Variants in LRP6 observed in about 807,000 individuals in gnomAD.
LRP6 encodes low-density lipoprotein receptor-related protein 6.
LRP6 carries 43 observed loss-of-function variants against 184.1 expected under a neutral mutation model. The observed-to-expected ratio is 0.23, with a 90% confidence interval of 0.18 to 0.30. The LOEUF is 0.30. Among genes scored for constraint, LRP6 ranks in the 10% least tolerant of loss-of-function variants. LRP6 has a pLI of 1.00. For synonymous variants in LRP6, 719 were observed against 684.9 expected, an observed-to-expected ratio of 1.05 and a Z score of -0.78; for missense variants, 1,571 against 2,005.3, an observed-to-expected ratio of 0.78 and a Z score of 4.14.
intron 3 of LRP6, among the ~76,000 whole-genome samples, chr12:12,193,606 T>C (rs928392841): frequency 9.2e-5 from 14 of 151,966 alleles, no homozygotes; most frequent in Non-Finnish European, 1.9e-4. Context: ...CATAAACAAC[T>C]TTATGCCAAC....
intron 3 of LRP6, among the ~76,000 whole-genome samples, chr12:12,198,240 T>C (rs1863819032): frequency 6.6e-6 from 1 of 152,150 alleles, no homozygotes; most frequent in African/African-American, 2.4e-5. Context: ...TAAGAAACTT[T>C]TTCTATAGTT....
chr12:12,225,923 G>T (rs1317186371), intron 2 of LRP6, among the ~76,000 whole-genome samples: 1 of 151,264 alleles, frequency 6.6e-6, no homozygotes, highest in African/African-American at 2.4e-5. Context: ...TGCTGCCTGT[G>T]CAAGGAGAGT....
intron 20 of LRP6, among the ~76,000 whole-genome samples, 154 bp downstream of exon 20, chr12:12,126,537 G>A (rs1231978746): frequency 6.6e-6 from 1 of 152,206 alleles, no homozygotes. Context: ...AAGAGAAGGT[G>A]CTAATAGTAA....
Position 12,186,658 on chromosome 12 carries a change from C to CTTT in LRP6, c.844+262_844+264dup, listed in dbSNP as rs34355990. ...GTCTCCCAAAGTGCTGGGATTTTAA[C>CTTT]TTTTTTTTTTTTTTTTTTGAGACAC... On this transcript the variant is annotated intron_variant, in intron 4 of 22. Coordinates refer to ENST00000261349, the MANE Select transcript of LRP6 (RefSeq NM_002336.3). 2,487 of 288,586 alleles carry CTTT rather than the reference C, an allele frequency of 8.6e-3. 9 individuals carry two copies. Among genetic ancestry groups the CTTT allele is most frequent in the South Asian group, 0.017 (485 of 28,044 alleles). The allele number at this position is 288,586 out of a possible 1,614,324, so 17.9% of individuals were successfully genotyped here.
At chr12:12,185,678 G>T (rs998180105) in intron 4 of LRP6, among the ~76,000 whole-genome samples, 1 of 152,098 alleles carries the variant, frequency 6.6e-6, no homozygotes, top group Non-Finnish European at 1.5e-5. Context: ...TGTAAAGGCT[G>T]ACCAAACACA....
chr12:12,223,913 T>A (rs1565673855), intron 2 of LRP6, among the ~76,000 whole-genome samples: 1 of 152,196 alleles, frequency 6.6e-6, no homozygotes, highest in Non-Finnish European at 1.5e-5. Flanking sequence ...TTAGTATACA[T>A]TACTAGAGGT....
chr12:12,130,782 C>A lies in LRP6; in HGVS notation c.4081+1G>T, dbSNP rs772263272. ...AATTTATAGATCTCAGTCCTACTTACAACAATCCAGTTCATCTGACTTGTC... is the reference window on the plus strand; with the variant it reads ...AATTTATAGATCTCAGTCCTACTTAAAACAATCCAGTTCATCTGACTTGTC... On this transcript the variant is annotated splice_donor_variant, in intron 19 of 22. Transcript: ENST00000261349. LOFTEE classifies it high-confidence loss of function. The A allele has an allele frequency of 1.9e-6, 3 of 1,594,822 alleles. No individual in the cohort carries two copies. Among genetic ancestry groups the A allele is most frequent in the East Asian group, 2.2e-5 (1 of 44,766 alleles).
Position 12,125,442 on chromosome 12 carries a change from AAGG to A in LRP6, c.4313-13_4313-11del. On this transcript the variant is annotated splice_polypyrimidine_tract_variant and intron_variant, in intron 20 of 22. Transcript: ENST00000261349. ...TTACCTCGAGACATTCCTAAAATAAAAGGAGGTTAAAAACTGAAGATGAGTATG... is the reference window on the plus strand; with the variant it reads ...TTACCTCGAGACATTCCTAAAATAAAAGGTTAAAAACTGAAGATGAGTATG... 1 of 1,613,300 alleles carries A rather than the reference AAGG, an allele frequency of 6.2e-7. No individual in the cohort carries two copies. Among genetic ancestry groups the A allele is most frequent in the Non-Finnish European group, 8.5e-7 (1 of 1,179,432 alleles).
rs1949553535 is a variant in LRP6, at chr12:12,118,799, A to T, written c.*2327T>A. ...ATAATTTTAAACAAATTGGCACACA[A>T]ATTAGTATTTTGAAGAAGAGGCCAT... is the stretch of plus-strand genomic sequence containing the variant. On this transcript the variant is annotated 3_prime_UTR_variant, in exon 23 of 23. Coordinates refer to ENST00000261349, the MANE Select transcript of LRP6 (RefSeq NM_002336.3). 1 of 152,190 alleles carries T rather than the reference A, an allele frequency of 6.6e-6. No homozygotes were observed. Among genetic ancestry groups the T allele is most frequent in the Non-Finnish European group, 1.5e-5 (1 of 68,024 alleles). The allele number at this position is 152,190 out of a possible 1,614,324, so 9.4% of individuals were successfully genotyped here.
chr12:12,226,224 C>T (rs1025681579), intron 2 of LRP6, among the ~76,000 whole-genome samples: 2 of 152,198 alleles, frequency 1.3e-5, no homozygotes, highest in Non-Finnish European at 2.9e-5. Context: ...AGCTTACCAT[C>T]ACATTACAAA....
intron 9 of LRP6, among the ~76,000 whole-genome samples, chr12:12,163,930 G>A (rs538455546): frequency 7.2e-5 from 11 of 152,212 alleles, no homozygotes; most frequent in South Asian, 2.1e-4. Context: ...TCAAGAGTTC[G>A]AGCGGCCTGG....
intron 16 of LRP6, among the ~76,000 whole-genome samples, 191 bp downstream of exon 16, chr12:12,138,134 G>C (rs1209471364): frequency 6.6e-6 from 1 of 151,296 alleles, no homozygotes; most frequent in Non-Finnish European, 1.5e-5. Flanking sequence ...TCGTGACACT[G>C]CACTCCAGCC....
intron 1 of LRP6, among the ~76,000 whole-genome samples, chr12:12,262,227 A>G (rs1488677692): frequency 1.3e-5 from 2 of 152,160 alleles, no homozygotes; most frequent in Non-Finnish European, 2.9e-5. Context: ...AAAAATATAA[A>G]AATTATCCGG....
chr12:12,235,992 G>A (rs559708766), intron 2 of LRP6, among the ~76,000 whole-genome samples: 16 of 152,204 alleles, frequency 1.1e-4, no homozygotes, highest in Admixed American at 3.9e-4. Context: ...TTGGGAGGCC[G>A]AGGCGGGCGG....
intron 1 of LRP6, among the ~76,000 whole-genome samples, chr12:12,254,628 G>T (rs1420093148): frequency 6.6e-6 from 1 of 152,132 alleles, no homozygotes; most frequent in East Asian, 1.9e-4. Context: ...CTTCTAGCTG[G>T]AAACATTACT....
rs1475270274 is a variant in LRP6 at position 12,120,755 on chromosome 12, T to C, written c.*371A>G. 6.2e-6 allele frequency: 1 copy of C among 160,142 alleles called. No homozygotes were observed. Among genetic ancestry groups the C allele is most frequent in the African/African-American group, 2.4e-5 (1 of 41,704 alleles). The allele number at this position is 160,142 out of a possible 1,614,324, so 9.9% of individuals were successfully genotyped here. ...TTTTTCTTCTTCCTCTTTTTTATTT[T>C]TGGTATCAATAAAGCCCAGATATTC... On this transcript the variant is annotated 3_prime_UTR_variant, in exon 23 of 23. Coordinates refer to ENST00000261349, the MANE Select transcript of LRP6 (RefSeq NM_002336.3).
At chr12:12,243,338 T>C (rs1261589925) in intron 2 of LRP6, among the ~76,000 whole-genome samples, 3 of 152,088 alleles carry the variant, frequency 2.0e-5, no homozygotes, top group Non-Finnish European at 4.4e-5. Context: ...TAACTAGAAA[T>C]GAGTTATTTA....
intron 18 of LRP6, 137 bp from the exon 19 acceptor site, chr12:12,131,030 G>A: frequency 1.6e-6 from 1 of 636,002 alleles, no homozygotes; most frequent in Non-Finnish European, 2.8e-6. Flanking sequence ...ATTATTCTCT[G>A]GAGTTCCATT....
intron 1 of LRP6, among the ~76,000 whole-genome samples, chr12:12,257,741 G>C (rs191534348): frequency 8.0e-5 from 9 of 112,152 alleles, no homozygotes; most frequent in Non-Finnish European, 1.5e-4. Flanking sequence ...CCAGGAATTC[G>C]AGACCAGTCT....
Sources: allele counts gnomAD v4.1 joint callset (sites outside exome capture counted in the v4.1 genomes callset), GRCh38; gene constraint gnomAD v4.1.1; transcripts MANE v1.5; gene names NCBI Gene and HGNC (gene_info 2026-07-23, HGNC 2026-07-21).